The following SPNS2 variants were observed in gnomAD, a reference collection of about 807,000 sequenced individuals.
SPNS2 encodes SPNS lysolipid transporter 2, sphingosine-1-phosphate.
In SPNS2, 37 loss-of-function variants were observed where a neutral mutation model predicts 57.6. The ratio of observed to expected loss-of-function variants is 0.64; its 90% CI spans 0.49 to 0.85. The LOEUF (loss-of-function observed/expected upper bound fraction) is 0.85, where lower values mean the gene tolerates loss of function less well. SPNS2 is among the 40% of genes least tolerant of loss of function. The pLI, the probability that SPNS2 is intolerant of heterozygous loss-of-function variation, is 0.00. For missense variants in SPNS2, 831 were observed against 779.1 expected, an observed-to-expected ratio of 1.07 and a Z score of -0.79; for synonymous variants, 440 against 346.9, an observed-to-expected ratio of 1.27 and a Z score of -2.98.
intron 11 of SPNS2, 65 bp from the exon 12 acceptor site, chr17:4,536,835 A>G (rs779256571): frequency 2.1e-5 from 29 of 1,358,756 alleles, no homozygotes; most frequent in Non-Finnish European, 2.8e-5. Flanking sequence ...ACGATGTGCC[A>G]GAGCAGTGCC....
At chr17:4,524,628 G>C (rs1051402285) in intron 2 of SPNS2, among the ~76,000 whole-genome samples, 8 of 152,218 alleles carry the variant, frequency 5.3e-5, no homozygotes, top group Non-Finnish European at 1.2e-4. Flanking sequence ...AGGTTGCAGT[G>C]AGCCGAGAGT....
At chr17:4,532,761 C>T (rs1417483526) in intron 6 of SPNS2, 77 bp downstream of exon 6, 2 of 1,534,820 alleles carry the variant, frequency 1.3e-6, no homozygotes, top group East Asian at 4.5e-5. Flanking sequence ...GCAGGGCAGC[C>T]CACTAGCACC....
chr17:4,499,203 C>T lies in SPNS2; in HGVS notation c.156C>T (p.Ala52=), dbSNP rs1398774004. 4.3e-6 allele frequency: 6 copies of T among 1,387,696 alleles called. No individual in the cohort carries two copies. The highest frequency in any genetic ancestry group is 5.6e-6 in the Non-Finnish European group (6 of 1,071,292). 86.0% of individuals were successfully genotyped at this position (1,387,696 alleles called of 1,614,324 possible). A position where few individuals can be genotyped will look rare whatever the true frequency, so the allele number is the denominator to read the frequency against. Residue 52 remains alanine, a synonymous_variant, in exon 1 of 13, where the codon GCC becomes GCT. Coordinates refer to ENST00000329078, the MANE Select transcript of SPNS2 (RefSeq NM_001124758.3). The surrounding 1 kb of genome is among the most constrained non-coding windows in gnomAD (Gnocchi z 5.2). ...GCGCGGGCGGCGCTGGAGTCTCGGCCGCGGGCGATGAGGTGCAGACGCTGT... is the reference window on the plus strand; with the variant it reads ...GCGCGGGCGGCGCTGGAGTCTCGGCTGCGGGCGATGAGGTGCAGACGCTGT... ...ARGAGGAGVS[A]AGDEVQTLSG... is the part of the protein sequence containing the mutation.
rs907758369 is a variant in SPNS2 at position 4,537,453 on chromosome 17, G to T, written c.*5G>T. 1.1e-5 allele frequency: 5 copies of T among 449,698 alleles called. No individual in the cohort carries two copies. Among genetic ancestry groups the T allele is most frequent in the African/African-American group, 8.0e-5 (4 of 49,958 alleles). The allele number at this position is 449,698 out of a possible 1,614,324, so 27.9% of individuals were successfully genotyped here. On this transcript the variant is annotated splice_region_variant and 3_prime_UTR_variant, in exon 13 of 13. Transcript: ENST00000329078. The stretch of plus-strand genomic sequence containing the variant: ...GCTGACCTGACACCCCTTTCCCCAG[G>T]TGCCATTGGGACAATGAAGAACCCA...
rs573092124 is a variant in SPNS2, at chr17:4,536,966, C to G, written c.*4+20C>G. 1.2e-6 allele frequency: 2 copies of G among 1,610,688 alleles called. No homozygotes were observed. The highest frequency in any genetic ancestry group is 1.1e-5 in the South Asian group (1 of 90,634). On this transcript the variant is annotated intron_variant, in intron 12 of 12. Transcript: ENST00000329078. ...GAGGTGGTGAGTGCAGGCCGGGAGG[C>G]ACGTGGGGGCTCCCTAAGGAAAGGG...
At chr17:4,530,312 G>A (rs1252234732) in intron 3 of SPNS2, among the ~76,000 whole-genome samples, 1 of 152,188 alleles carries the variant, frequency 6.6e-6, no homozygotes, top group African/African-American at 2.4e-5. Context: ...GTGGAGTAGT[G>A]GAGACATAGG....
At position 4,537,936 on chromosome 17, in the gene SPNS2, T is replaced by C. The variant is rs985706970; in HGVS notation, c.*488T>C. 1.3e-5 allele frequency: 5 copies of C among 387,146 alleles called. No homozygotes were observed. Among genetic ancestry groups the C allele is most frequent in the African/African-American group, 6.3e-5 (3 of 47,902 alleles). The allele number at this position is 387,146 out of a possible 1,614,324, so 24.0% of individuals were successfully genotyped here. ...AGGCCTCAGGGCGGCAGTCCCGGCT[T>C]TGAGGCTCACGCGAGGGCCTGGTAT... On this transcript the variant is annotated 3_prime_UTR_variant, in exon 13 of 13. Transcript: ENST00000329078.
Position 4,533,264 on chromosome 17 carries a change from C to A in SPNS2, c.1110C>A (p.Thr370=). 2 of 1,606,494 alleles carry A rather than the reference C, an allele frequency of 1.2e-6. No individual in the cohort carries two copies. The highest frequency in any genetic ancestry group is 2.2e-5 in the South Asian group (2 of 90,314). ...AKDSLIFGAI[T]CFTGFLGVVT... ...ACAGCCTCATCTTTGGGGCCATCAC[C>A]TGCTTTACGGGATTTCTGGGCGTGG... The change falls in exon 8 of 13, where the codon ACC becomes ACA. Residue 370 remains threonine (T), a synonymous_variant. Transcript: ENST00000329078.
intron 2 of SPNS2, among the ~76,000 whole-genome samples, chr17:4,521,705 C>T (rs1362940102): frequency 6.6e-6 from 1 of 152,244 alleles, no homozygotes; most frequent in African/African-American, 2.4e-5. Flanking sequence ...AAGGTAATAA[C>T]TACTCAAAAG....
At chr17:4,519,605 G>GCACAGTGAGCTGAGCGAGGGCTTCCC (rs1555536333) in intron 2 of SPNS2, among the ~76,000 whole-genome samples, 14 of 151,912 alleles carry the variant, frequency 9.2e-5, no homozygotes, top group African/African-American at 3.4e-4. Flanking sequence ...TGTGGGCTCA[G>GCACAGTGAGCTGAGCGAGGGCTTCCC]CACACCCTCC....
chr17:4,535,519 A>C (rs372821940), intron 9 of SPNS2, among the ~76,000 whole-genome samples: 1 of 152,300 alleles, frequency 6.6e-6, no homozygotes, highest in African/African-American at 2.4e-5. Context: ...GGCAGAAGCC[A>C]AGGCACCCTG....
chr17:4,525,829 T>G (rs547056565), intron 3 of SPNS2, among the ~76,000 whole-genome samples: 1 of 152,194 alleles, frequency 6.6e-6, no homozygotes, highest in South Asian at 2.1e-4. Flanking sequence ...AGCTGAGCTG[T>G]GAAGGTCCAG....
intron 8 of SPNS2, 152 bp downstream of exon 8, chr17:4,533,584 A>T: frequency 9.7e-7 from 1 of 1,031,446 alleles, no homozygotes; most frequent in Non-Finnish European, 1.4e-6. Flanking sequence ...CAGCCTGGCC[A>T]CACACAGCCT....
intron 4 of SPNS2, 132 bp downstream of exon 4, chr17:4,530,915 CT>C: frequency 6.8e-7 from 1 of 1,460,396 alleles, no homozygotes. Context: ...GGCGGTCAGC[CT>C]TTGAGAATCT....
intron 1 of SPNS2, among the ~76,000 whole-genome samples, chr17:4,501,375 AG>A (rs989475959): frequency 2.0e-5 from 3 of 152,140 alleles, no homozygotes; most frequent in African/African-American, 7.2e-5. Flanking sequence ...ACTTCTACTC[AG>A]GTCTCTGAGT....
intron 3 of SPNS2, among the ~76,000 whole-genome samples, chr17:4,527,190 T>C (rs1905281608): frequency 6.6e-6 from 1 of 152,252 alleles, no homozygotes; most frequent in Admixed American, 6.5e-5. Flanking sequence ...TGGTAGACTT[T>C]GGCAATGTGA....
In SPNS2 at chr17:4,536,308, G is replaced by C. The variant is rs1905796892; in HGVS notation, c.1489G>C (p.Glu497Gln). The C allele has an allele frequency of 1.9e-6, 3 of 1,612,612 alleles. No homozygotes were observed. The highest frequency in any genetic ancestry group is 2.5e-6 in the Non-Finnish European group (3 of 1,179,960). ...GAGCACTAAGGACTCCCCGCTCTGG[G>C]AGTTCCTGAGCCTGGGCTACGCGCT... is the stretch of plus-strand genomic sequence containing the variant. The part of the protein sequence containing the change: ...RQSTKDSPLW[E>Q]FLSLGYALML... Residue 497 changes from glutamate to glutamine, a missense_variant, in exon 11 of 13, where the codon GAG (glutamate) becomes CAG (glutamine). Glu to Gln is a conservative substitution (Grantham distance 29). Around this residue, in one of 2 missense-constraint regions of SPNS2, gnomAD observed 526 missense variants for 400.9 expected, o/e 1.31. Transcript: ENST00000329078.
At chr17:4,520,391 T>G (rs1199582256) in intron 2 of SPNS2, among the ~76,000 whole-genome samples, 4 of 151,922 alleles carry the variant, frequency 2.6e-5, no homozygotes, top group Admixed American at 2.6e-4. Flanking sequence ...GAATGGAGCA[T>G]GATGGCCGGG....
Position 4,499,246 on chromosome 17 carries a change from G to A in SPNS2, c.199G>A (p.Ala67Thr). ...GACGCTGTCGGGCAGCGTAAGGCGG[G>A]CCCCGACCGGACCCCCCGGCACCCC... ...VQTLSGSVRR[A>T]PTGPPGTPGT... The change falls in exon 1 of 13, where the codon GCC becomes ACC. Residue 67 changes from alanine to threonine, a missense_variant. Physicochemically the swap from Ala to Thr is moderately conservative, Grantham distance 58 (BLOSUM62 0). This residue lies in a region of SPNS2 where 305 missense variants were observed against 378.3 expected (regional missense o/e 0.81). Coordinates refer to ENST00000329078, the MANE Select transcript of SPNS2 (RefSeq NM_001124758.3). This position sits in a 1 kb window ranked among gnomAD's most constrained non-coding sequence, Gnocchi z 5.2. 1 of 1,469,506 alleles carries A rather than the reference G, an allele frequency of 6.8e-7. No homozygotes were observed. 91.0% of individuals were successfully genotyped at this position (1,469,506 alleles called of 1,614,324 possible). A position where few individuals can be genotyped will look rare whatever the true frequency, so the allele number is the denominator to read the frequency against.
Sources: gnomAD v4.1 joint callset for allele counts (sites outside exome capture counted in the v4.1 genomes callset) on GRCh38, gnomAD v4.1.1 for gene constraint, gnomAD v4.1.1 regional missense constraint, Gnocchi (gnomAD v3.1) non-coding constraint, MANE v1.5 for transcripts, NCBI Gene and HGNC (gene_info 2026-07-23, HGNC 2026-07-21) for gene names.